The following CCT4 variants were observed in gnomAD, a reference collection of about 807,000 sequenced individuals.
CCT4 encodes chaperonin containing TCP1 subunit 4, also known as T-complex protein 1 subunit delta.
CCT4 carries 17 observed loss-of-function variants against 62.5 expected under a neutral mutation model. That is an observed-to-expected ratio of 0.27 (90% CI 0.19 to 0.41). The LOEUF (loss-of-function observed/expected upper bound fraction) is 0.41. Among genes scored for constraint, CCT4 ranks in the 10% least tolerant of loss-of-function variants. The pLI is 1.00. For synonymous variants in CCT4, 250 were observed against 229.9 expected (o/e 1.09, Z -0.79); for missense variants, 592 against 659.2 (o/e 0.90, Z 1.12).
At chr2:61,871,574 G>C (rs1668884785) in intron 12 of CCT4, among the ~76,000 whole-genome samples, 1 of 152,042 alleles carries the variant, frequency 6.6e-6, no homozygotes, top group African/African-American at 2.4e-5. Flanking sequence ...ATATAAAGTT[G>C]GACTGTCAGT....
At chr2:61,873,745 T>C (rs1453482196) in intron 8 of CCT4, among the ~76,000 whole-genome samples, 1 of 152,140 alleles carries the variant, frequency 6.6e-6, no homozygotes, top group Non-Finnish European at 1.5e-5. Flanking sequence ...TTTGTATTTT[T>C]AGTAGAGACG....
chr2:61,872,962 C>A (rs750072051), intron 10 of CCT4, 40 bp downstream of exon 10: 2 of 1,187,344 alleles, frequency 1.7e-6, no homozygotes, highest in Middle Eastern at 1.9e-4. Context: ...ACCCCATACC[C>A]AAACCTAAGC....
chr2:61,869,407 T>A, intron 13 of CCT4, 33 bp downstream of exon 13: 2 of 1,191,628 alleles, frequency 1.7e-6, no homozygotes, highest in Non-Finnish European at 2.5e-6. Context: ...CTTTTTGACC[T>A]CCTAAGAAAA....
rs1668893500 is a variant in CCT4, at chr2:61,872,002, T to C, written c.1491+80A>G. On this transcript the variant is annotated intron_variant, in intron 12 of 13. Coordinates refer to ENST00000394440, the MANE Select transcript of CCT4 (RefSeq NM_006430.4). ...AAGATTATGCTTTTCATTACAGAGCTTTCCATTCAACAGATGACTACAAAG... is the reference window on the plus strand; with the variant it reads ...AAGATTATGCTTTTCATTACAGAGCCTTCCATTCAACAGATGACTACAAAG... 6 of 952,316 alleles carry C rather than the reference T, an allele frequency of 6.3e-6. No homozygotes were observed. In the East Asian group the frequency reaches 1.6e-4, roughly 25 times the overall value. 59.0% of individuals were successfully genotyped at this position (952,316 alleles called of 1,614,324 possible). A position where few individuals can be genotyped will look rare whatever the true frequency, so the allele number is the denominator to read the frequency against.
At position 61,876,242 on chromosome 2, in the gene CCT4, G is replaced by A; in HGVS notation, c.778-8C>T. 1 of 1,568,256 alleles carries A rather than the reference G, an allele frequency of 6.4e-7. No homozygotes were observed. Among genetic ancestry groups the A allele is most frequent in the Non-Finnish European group, 8.6e-7 (1 of 1,158,106 alleles). Reference sequence around the variant, plus strand: ...CACTATTTGATTATCCATCTGTTCAGAAAAAGAACATCATAATTTGCATTG... The same window carrying A: ...CACTATTTGATTATCCATCTGTTCAAAAAAAGAACATCATAATTTGCATTG... On this transcript the variant is annotated splice_polypyrimidine_tract_variant and splice_region_variant and intron_variant, in intron 7 of 13. Coordinates refer to ENST00000394440, the MANE Select transcript of CCT4 (RefSeq NM_006430.4).
chr2:61,873,765 C>T (rs935988656), intron 8 of CCT4, among the ~76,000 whole-genome samples: 4 of 152,102 alleles, frequency 2.6e-5, no homozygotes, highest in Non-Finnish European at 4.4e-5. Context: ...GGGGTTTCAC[C>T]ATGTTGGCCA....
At chr2:61,888,092 C>G (rs766046270) in intron 1 of CCT4, 1 of 346,694 alleles carries the variant, frequency 2.9e-6, no homozygotes, top group African/African-American at 2.1e-5. Context: ...ATGCAATCCT[C>G]GGCATTTTGA....
Position 61,876,959 on chromosome 2 carries a change from A to C in CCT4, c.738T>G (p.Ile246Met). Residue 246 changes from isoleucine (I) to methionine (M), a missense_variant, in exon 7 of 14, where the codon ATT becomes ATG. Physicochemically the swap from Ile to Met is conservative, Grantham distance 10 (BLOSUM62 1). Coordinates refer to ENST00000394440, the MANE Select transcript of CCT4 (RefSeq NM_006430.4). ...SGITRVEKAK[I>M]GLIQFCLSAP... is the part of the protein sequence containing the mutation. The stretch of plus-strand genomic sequence containing the variant: ...CAGATAAGCAAAACTGAATAAGCCC[A>C]ATCTTGGCCTTTTCAACTCTGGTTA... 1 of 1,613,928 alleles carries C rather than the reference A, an allele frequency of 6.2e-7. No homozygotes were observed. Among genetic ancestry groups the C allele is most frequent in the Non-Finnish European group, 8.5e-7 (1 of 1,179,912 alleles).
chr2:61,882,988 C>T (rs1179198714), intron 3 of CCT4, among the ~76,000 whole-genome samples: 1 of 152,074 alleles, frequency 6.6e-6, no homozygotes, highest in Non-Finnish European at 1.5e-5. Context: ...TTTATTATCA[C>T]CTCACACCAA....
At chr2:61,888,286 G>T in intron 1 of CCT4, 95 bp downstream of exon 1, 1 of 1,422,336 alleles carries the variant, frequency 7.0e-7, no homozygotes, top group Non-Finnish European at 9.5e-7. Flanking sequence ...AGGATCACCC[G>T]AAGAAATGGG....
At chr2:61,886,482 C>A (rs1015190310) in intron 1 of CCT4, among the ~76,000 whole-genome samples, 8 of 152,186 alleles carry the variant, frequency 5.3e-5, no homozygotes, top group Non-Finnish European at 1.0e-4. Context: ...TTTTGGTCAT[C>A]ATCAGTATGT....
intron 8 of CCT4, 54 bp downstream of exon 8, chr2:61,876,041 T>C: frequency 8.5e-7 from 1 of 1,173,444 alleles, no homozygotes; most frequent in Non-Finnish European, 1.2e-6. Flanking sequence ...AATAAACTGC[T>C]AGTGGAGATC....
intron 3 of CCT4, among the ~76,000 whole-genome samples, chr2:61,882,802 T>C (rs868316071): frequency 4.1e-5 from 6 of 144,852 alleles, no homozygotes; most frequent in Non-Finnish European, 4.5e-5. Flanking sequence ...TGAGCCACTG[T>C]GCCCAGCTTT....
At chr2:61,880,993 G>C (rs546207945) in intron 3 of CCT4, among the ~76,000 whole-genome samples, 1 of 152,130 alleles carries the variant, frequency 6.6e-6, no homozygotes, top group South Asian at 2.1e-4. Flanking sequence ...CCACAGTGCT[G>C]AGATTACAGG....
At chr2:61,873,170 C>T in intron 9 of CCT4, 27 bp downstream of exon 9, 4 of 1,444,598 alleles carry the variant, frequency 2.8e-6, no homozygotes, top group Non-Finnish European at 3.9e-6. Context: ...CAGACATTTT[C>T]CACAAATACA....
intron 3 of CCT4, among the ~76,000 whole-genome samples, chr2:61,882,086 C>T (rs753461921): frequency 3.9e-5 from 6 of 152,042 alleles, no homozygotes; most frequent in Non-Finnish European, 7.4e-5. Context: ...GCATGCACCA[C>T]CACGCCCAGC....
chr2:61,874,101 C>A (rs947805563), intron 8 of CCT4, among the ~76,000 whole-genome samples: 5 of 152,142 alleles, frequency 3.3e-5, no homozygotes, highest in African/African-American at 1.2e-4. Context: ...TACACTTCCC[C>A]ATGAACTGTG....
chr2:61,877,065 G>C lies in CCT4; in HGVS notation c.645-13C>G, dbSNP rs1211929149. On this transcript the variant is annotated splice_polypyrimidine_tract_variant and intron_variant, in intron 6 of 13. Transcript: ENST00000394440. ...ATCAATTGTCCCACTAAGGATAAAA[G>C]AAAACAAAGAGGGGTAGTTAAGAGG... 1.1e-5 allele frequency: 18 copies of C among 1,609,892 alleles called. No homozygotes were observed. The highest frequency in any genetic ancestry group is 1.4e-5 in the Non-Finnish European group (17 of 1,177,944).
intron 5 of CCT4, 50 bp downstream of exon 5, chr2:61,878,819 G>C (rs911003086): frequency 1.5e-6 from 2 of 1,376,892 alleles, no homozygotes; most frequent in Non-Finnish European, 2.0e-6. Context: ...GAATCATAGA[G>C]TAACACACTT....
Sources: gnomAD v4.1 joint callset for allele counts (sites outside exome capture counted in the v4.1 genomes callset) on GRCh38, gnomAD v4.1.1 for gene constraint, MANE v1.5 for transcripts, NCBI Gene and HGNC (gene_info 2026-07-23, HGNC 2026-07-21) for gene names.